LDLRAP1: variants seen among roughly 807,000 people sequenced by gnomAD.
The protein encoded by LDLRAP1 is low density lipoprotein receptor adaptor protein 1, also known as low density lipoprotein receptor adapter protein 1.
A neutral mutation model predicts 37.8 loss-of-function variants in LDLRAP1; 30 were observed. The observed-to-expected ratio is 0.79, with a 90% CI of 0.59 to 1.08. LDLRAP1 has a LOEUF of 1.08. Ranked by LOEUF, LDLRAP1 falls within the 50% of genes least tolerant of loss-of-function variation. The pLI, the probability that LDLRAP1 is intolerant of heterozygous loss-of-function variation, is 0.00. For missense variants in LDLRAP1, 375 were observed against 401.6 expected, an observed-to-expected ratio of 0.93 and a Z score of 0.57; for synonymous variants, 156 against 169.8, an observed-to-expected ratio of 0.92 and a Z score of 0.63.
Position 25,554,847 on chromosome 1 carries a change from G to A in LDLRAP1, c.232-13G>A, listed in dbSNP as rs760799816. The A allele has an allele frequency of 1.2e-6, 2 of 1,610,090 alleles. No homozygotes were observed. The highest frequency in any genetic ancestry group is 2.2e-5 in the East Asian group (1 of 44,858). ...AGGCTGGCAGACTCCTCTGACTCCT[G>A]TCTGCTCCCAAGGCTAAGGCCAGTG... On this transcript the variant is annotated splice_polypyrimidine_tract_variant and intron_variant, in intron 2 of 8. Coordinates refer to ENST00000374338, the MANE Select transcript of LDLRAP1 (RefSeq NM_015627.3). This position sits in a 1 kb window ranked among gnomAD's most constrained non-coding sequence, Gnocchi z 5.4.
At position 25,566,958 on chromosome 1, in the gene LDLRAP1, G is replaced by T. The variant is rs1316240068; in HGVS notation, c.893G>T (p.Ser298Ile). The T allele has an allele frequency of 6.2e-7, 1 of 1,613,436 alleles. No individual in the cohort carries two copies. Among genetic ancestry groups the T allele is most frequent in the Non-Finnish European group, 8.5e-7 (1 of 1,180,030 alleles). The change falls in exon 9 of 9, where the codon AGC (serine) becomes ATC (isoleucine). Residue 298 changes from serine (S) to isoleucine (I), a missense_variant. Ser to Ile is a moderately radical substitution (Grantham distance 142). Transcript: ENST00000374338. ...SPVDWDKPDSSGTEQDDLFSF is the reference protein window; with the variant it reads ...SPVDWDKPDSIGTEQDDLFSF Reference sequence around the variant, plus strand: ...GTCGACTGGGACAAGCCTGACAGCAGCGGCACAGAGCAGGATGACCTCTTC... The same window carrying T: ...GTCGACTGGGACAAGCCTGACAGCATCGGCACAGAGCAGGATGACCTCTTC...
intron 7 of LDLRAP1, chr1:25,564,013 C>T (rs1403490148): frequency 9.7e-6 from 6 of 617,872 alleles, no homozygotes; most frequent in East Asian, 2.9e-5. Flanking sequence ...CAGCTGTCTC[C>T]TCACAATGCT....
chr1:25,587,680 G>A, the LDLRAP1 span, among the ~76,000 whole-genome samples: 1 of 152,170 alleles, frequency 6.6e-6, no homozygotes, highest in Admixed American at 6.5e-5. Context: ...GGCGTGGAGT[G>A]GGAATGTGGA....
chr1:25,583,794 C>T, the LDLRAP1 span, among the ~76,000 whole-genome samples: 2 of 152,150 alleles, frequency 1.3e-5, no homozygotes, highest in Non-Finnish European at 2.9e-5. Flanking sequence ...TCTCTGCACT[C>T]CCAACCCCCG....
Position 25,544,467 on chromosome 1 carries a change from T to A in LDLRAP1, c.88+681T>A, listed in dbSNP as rs1162772687. 1.3e-5 allele frequency among the ~76,000 whole-genome samples: 2 copies of A among 152,216 alleles called. No homozygotes were observed. Among genetic ancestry groups the A allele is most frequent in the Non-Finnish European group, 2.9e-5 (2 of 68,022 alleles). On this transcript the variant is annotated intron_variant, in intron 1 of 8. Coordinates refer to ENST00000374338, the MANE Select transcript of LDLRAP1 (RefSeq NM_015627.3). The surrounding 1 kb of genome is among the most constrained non-coding windows in gnomAD (Gnocchi z 4.8). ...CAGGTGGCAAGCCTGGCGTCCCGAC[T>A]ATTTTTGAAACCTGTTTTCTCTCGC...
chr1:25,569,230 T>C (rs2044567031), downstream of LDLRAP1, among the ~76,000 whole-genome samples: 1 of 152,152 alleles, frequency 6.6e-6, no homozygotes, highest in East Asian at 1.9e-4. Context: ...CACGTGGGCG[T>C]TTTCCACAGA....
At chr1:25,573,685 C>CGAG (rs2124713045), downstream of LDLRAP1, among the ~76,000 whole-genome samples, 1 of 152,274 alleles carries the variant, frequency 6.6e-6, no homozygotes, top group African/African-American at 2.4e-5. Flanking sequence ...GGAGCTATGC[C>CGAG]GAGGCTTTGC....
intron 1 of LDLRAP1, among the ~76,000 whole-genome samples, chr1:25,553,119 G>T (rs2044114104): frequency 6.6e-6 from 1 of 152,128 alleles, no homozygotes; most frequent in Non-Finnish European, 1.5e-5. Flanking sequence ...GGTCTCTACG[G>T]ATGCGCACAG....
chr1:25,586,752 C>A, the LDLRAP1 span, among the ~76,000 whole-genome samples: 1 of 152,162 alleles, frequency 6.6e-6, no homozygotes, highest in African/African-American at 2.4e-5. The surrounding 1 kb of genome is among the most constrained non-coding windows in gnomAD (Gnocchi z 4.3). Flanking sequence ...CAGGCCTGAG[C>A]AGATGGGGGC....
the LDLRAP1 span, among the ~76,000 whole-genome samples, chr1:25,576,381 C>T: frequency 1.3e-5 from 2 of 152,018 alleles, no homozygotes; most frequent in Non-Finnish European, 2.9e-5. Context: ...ACAAAATAAG[C>T]CGGGTGTGGT....
downstream of LDLRAP1, among the ~76,000 whole-genome samples, chr1:25,569,449 C>T (rs2044572057): frequency 6.6e-6 from 1 of 152,002 alleles, no homozygotes. Flanking sequence ...AGGGTCTAGC[C>T]CTAGCTCTGC....
chr1:25,558,018 G>A (rs1361005400), intron 4 of LDLRAP1, among the ~76,000 whole-genome samples: 1 of 152,126 alleles, frequency 6.6e-6, no homozygotes, highest in Non-Finnish European at 1.5e-5. Context: ...AGAGCTCCTT[G>A]TCTCATTTCC....
intron 7 of LDLRAP1, 22 bp from the exon 8 acceptor site, chr1:25,565,151 C>G (rs1348478113): frequency 7.4e-6 from 12 of 1,613,770 alleles, no homozygotes; most frequent in Admixed American, 3.3e-5. Flanking sequence ...TAGTTCTTAT[C>G]TCCTGCTTTG....
At chr1:25,548,342 T>C (rs2043989263) in intron 1 of LDLRAP1, among the ~76,000 whole-genome samples, 1 of 138,306 alleles carries the variant, frequency 7.2e-6, no homozygotes, top group African/African-American at 2.7e-5. Context: ...ACTCTTTTTT[T>C]TTTTTTTTTT....
At chr1:25,588,355 C>T in the LDLRAP1 span, among the ~76,000 whole-genome samples, 1 of 152,240 alleles carries the variant, frequency 6.6e-6, no homozygotes, top group Non-Finnish European at 1.5e-5. Context: ...GTCTCCTGCT[C>T]GTCCCTGGGC....
At chr1:25,548,334 TC>T (rs2043988059) in intron 1 of LDLRAP1, among the ~76,000 whole-genome samples, 1 of 130,192 alleles carries the variant, frequency 7.7e-6, no homozygotes, top group Non-Finnish European at 1.6e-5. Context: ...GGATGGATAC[TC>T]TTTTTTTTTT....
the LDLRAP1 span, among the ~76,000 whole-genome samples, chr1:25,588,542 C>A: frequency 2.0e-5 from 3 of 152,160 alleles, no homozygotes; most frequent in Non-Finnish European, 4.4e-5. Flanking sequence ...GTTTATGATG[C>A]AGAGACCTTT....
the LDLRAP1 span, among the ~76,000 whole-genome samples, chr1:25,589,974 G>A: frequency 3.0e-4 from 46 of 152,318 alleles, no homozygotes; most frequent in East Asian, 7.3e-3. Context: ...ATGGTGGCAC[G>A]CGCCTGTAGT....
the LDLRAP1 span, among the ~76,000 whole-genome samples, chr1:25,575,423 TAA>T: frequency 2.0e-4 from 22 of 108,746 alleles, no homozygotes; most frequent in South Asian, 1.3e-3. Flanking sequence ...CTGTCTCTAC[TAA>T]AAAAAAAAAA....
Sources: allele counts gnomAD v4.1 joint callset (sites outside exome capture counted in the v4.1 genomes callset), GRCh38; gene constraint gnomAD v4.1.1; non-coding constraint Gnocchi (gnomAD v3.1); transcripts MANE v1.5; gene names NCBI Gene and HGNC (gene_info 2026-07-23, HGNC 2026-07-21).